The following MCC variants were observed in gnomAD, a reference collection of about 807,000 sequenced individuals.
The protein encoded by MCC is MCC regulator of Wnt signaling pathway.
A neutral mutation model predicts 116.2 loss-of-function variants in MCC; 90 were observed. The observed-to-expected ratio is 0.77, with a 90% CI of 0.65 to 0.92. The LOEUF is 0.92. MCC is among the 40% of genes least tolerant of loss of function. The pLI, the probability that MCC is intolerant of heterozygous loss-of-function variation, is 0.00. For synonymous variants in MCC, 578 were observed against 510.5 expected (o/e 1.13, Z -1.78); for missense variants, 1,516 against 1,312.2 (o/e 1.16, Z -2.40).
rs1445544871 is a variant in MCC at position 113,044,581 on chromosome 5, GT to G, written c.2656-952del. 1.3e-5 allele frequency: 9 copies of G among 680,418 alleles called. No homozygotes were observed. The African/African-American group carries it at 1.8e-4, about 13-fold the overall frequency. 42.1% of individuals were successfully genotyped at this position (680,418 alleles called of 1,614,324 possible). A position where few individuals can be genotyped will look rare whatever the true frequency, so the allele number is the denominator to read the frequency against. On this transcript the variant is annotated intron_variant, in intron 16 of 18. Transcript: ENST00000408903. ...ATGGAATGTAAACAGATATTTTTTT[GT>G]TTGTTTTTTGAGATGGAGTTTTGCT... is the stretch of plus-strand genomic sequence containing the variant.
chr5:113,221,264 G>A (rs914095962), intron 3 of MCC, among the ~76,000 whole-genome samples: 2 of 152,162 alleles, frequency 1.3e-5, no homozygotes, highest in African/African-American at 4.8e-5. Context: ...TCCCAGTCTG[G>A]GTGAAACCAC....
intron 5 of MCC, among the ~76,000 whole-genome samples, chr5:113,125,832 G>A (rs1270057213): frequency 1.3e-5 from 2 of 152,142 alleles, no homozygotes; most frequent in Non-Finnish European, 2.9e-5. Context: ...TCTGTTTGTT[G>A]TATATACAGG....
chr5:113,106,685 A>G (rs1368234352), intron 6 of MCC, among the ~76,000 whole-genome samples: 1 of 152,150 alleles, frequency 6.6e-6, no homozygotes. Flanking sequence ...TCAGCCTCCC[A>G]AGATGCTGGG....
At chr5:113,220,057 C>CTTTTCTTT (rs1763483601) in intron 3 of MCC, among the ~76,000 whole-genome samples, 2 of 79,498 alleles carry the variant, frequency 2.5e-5, no homozygotes, top group African/African-American at 5.8e-5. Context: ...ATGTCAATTT[C>CTTTTCTTT]TTTTTCTTTT....
At chr5:113,297,250 C>T (rs1766736661) in intron 3 of MCC, among the ~76,000 whole-genome samples, 1 of 152,092 alleles carries the variant, frequency 6.6e-6, no homozygotes, top group South Asian at 2.1e-4. Context: ...TGCCTGTAAT[C>T]CCAGCATTTG....
chr5:113,166,723 CA>C (rs1760793350), intron 3 of MCC, among the ~76,000 whole-genome samples: 1 of 136,594 alleles, frequency 7.3e-6, no homozygotes, highest in African/African-American at 3.0e-5. Flanking sequence ...AAAAAAAAAA[CA>C]ACCAAAAAAC....
At chr5:113,156,766 C>T (rs1326927796) in intron 3 of MCC, among the ~76,000 whole-genome samples, 2 of 152,192 alleles carry the variant, frequency 1.3e-5, no homozygotes, top group East Asian at 3.8e-4. Context: ...CTGTTTTGAG[C>T]CCTGCTTCAC....
chr5:113,087,034 C>T (rs1755242901), intron 8 of MCC, among the ~76,000 whole-genome samples: 2 of 152,188 alleles, frequency 1.3e-5, no homozygotes, highest in African/African-American at 4.8e-5. Flanking sequence ...CACTTTAATC[C>T]CATAGACAGG....
intron 3 of MCC, chr5:113,203,316 C>A (rs915727337): frequency 2.0e-5 from 3 of 152,358 alleles, no homozygotes; most frequent in Admixed American, 2.0e-4. Context: ...GTTGGTCTCG[C>A]CTGCCGCACG....
At chr5:113,221,622 G>C (rs1369284394) in intron 3 of MCC, among the ~76,000 whole-genome samples, 5 of 152,192 alleles carry the variant, frequency 3.3e-5, no homozygotes. Flanking sequence ...CAGTGGTTGA[G>C]ATATTTTGCA....
intron 3 of MCC, among the ~76,000 whole-genome samples, chr5:113,268,597 T>TA (rs1765499961): frequency 6.6e-6 from 1 of 152,138 alleles, no homozygotes; most frequent in African/African-American, 2.4e-5. Context: ...CTCCATCCAC[T>TA]AGGCCTAGGA....
intron 11 of MCC, among the ~76,000 whole-genome samples, chr5:113,079,957 A>G (rs1212880948): frequency 6.6e-6 from 1 of 152,270 alleles, no homozygotes; most frequent in African/African-American, 2.4e-5. Context: ...AATTTACAAG[A>G]CAAAATCAAA....
intron 3 of MCC, among the ~76,000 whole-genome samples, chr5:113,196,385 G>A (rs1265792993): frequency 6.6e-6 from 1 of 152,150 alleles, no homozygotes; most frequent in Non-Finnish European, 1.5e-5. Flanking sequence ...GCAACCTGGA[G>A]AGGTCATGTC....
At chr5:113,137,117 G>C (rs1758883882) in intron 5 of MCC, among the ~76,000 whole-genome samples, 1 of 152,186 alleles carries the variant, frequency 6.6e-6, no homozygotes, top group Non-Finnish European at 1.5e-5. Context: ...AGTTCAGCAT[G>C]GCTGGAGAGG....
chr5:113,313,377 C>A (rs1484338562), intron 3 of MCC, among the ~76,000 whole-genome samples: 2 of 151,856 alleles, frequency 1.3e-5, no homozygotes, highest in African/African-American at 4.8e-5. Flanking sequence ...ACAACAAAAA[C>A]GTGTAGAGAA....
chr5:113,124,862 C>A (rs536426982), intron 5 of MCC, among the ~76,000 whole-genome samples: 4 of 152,212 alleles, frequency 2.6e-5, no homozygotes, highest in Non-Finnish European at 5.9e-5. Context: ...AAGATGTTCA[C>A]AAGAAGGATG....
intron 11 of MCC, among the ~76,000 whole-genome samples, chr5:113,082,503 G>T (rs1754930080): frequency 6.6e-6 from 1 of 152,242 alleles, no homozygotes; most frequent in Admixed American, 6.5e-5. Context: ...ATTCTGTAGG[G>T]ACTGCTCCCA....
chr5:113,318,572 ACG>A (rs1767345273), intron 3 of MCC, among the ~76,000 whole-genome samples: 1 of 152,194 alleles, frequency 6.6e-6, no homozygotes, highest in African/African-American at 2.4e-5. Context: ...TAGCAAACTA[ACG>A]CAGGAACAGA....
chr5:113,096,588 A>G (rs950670818), intron 8 of MCC, among the ~76,000 whole-genome samples: 1 of 152,138 alleles, frequency 6.6e-6, no homozygotes, highest in Non-Finnish European at 1.5e-5. Flanking sequence ...AAGCCCCTTT[A>G]TGGTTAGGTA....
Sources: gnomAD v4.1 joint callset for allele counts (sites outside exome capture counted in the v4.1 genomes callset) on GRCh38, gnomAD v4.1.1 for gene constraint, MANE v1.5 for transcripts, NCBI Gene and HGNC (gene_info 2026-07-23, HGNC 2026-07-21) for gene names.